COP1: variants seen among roughly 807,000 people sequenced by gnomAD.
COP1 encodes E3 ubiquitin-protein ligase COP1.
Under a neutral mutation model 101.3 loss-of-function variants are expected in COP1, and 24 were observed. The ratio of observed to expected loss-of-function variants is 0.24; its 90% CI spans 0.17 to 0.33. COP1 has a LOEUF of 0.33. Among genes scored for constraint, COP1 ranks in the 10% least tolerant of loss-of-function variants. The pLI, the probability that COP1 is intolerant of heterozygous loss-of-function variation, is 1.00. For synonymous variants in COP1, 347 were observed against 341.9 expected, an observed-to-expected ratio of 1.01 and a Z score of -0.17; for missense variants, 663 against 906.2, an observed-to-expected ratio of 0.73 and a Z score of 3.45.
chr1:176,157,330 A>G (rs942316331), intron 5 of COP1, among the ~76,000 whole-genome samples: 3 of 152,220 alleles, frequency 2.0e-5, no homozygotes, highest in African/African-American at 7.2e-5. Context: ...GCTGAGCTAC[A>G]ATGAAATCAC....
At chr1:175,972,570 T>C (rs1263788461) in intron 18 of COP1, among the ~76,000 whole-genome samples, 3 of 151,492 alleles carry the variant, frequency 2.0e-5, no homozygotes, top group African/African-American at 7.3e-5. Flanking sequence ...GTTCAAGCGA[T>C]TCTCCTGCCT....
chr1:176,137,265 T>C (rs945829931), intron 6 of COP1, among the ~76,000 whole-genome samples: 25 of 152,196 alleles, frequency 1.6e-4, no homozygotes, highest in African/African-American at 5.8e-4. Flanking sequence ...ACTTAATATA[T>C]TGAACCATTC....
chr1:176,197,346 C>T (rs1354602289), intron 1 of COP1, among the ~76,000 whole-genome samples: 1 of 152,090 alleles, frequency 6.6e-6, no homozygotes, highest in Non-Finnish European at 1.5e-5. Flanking sequence ...CCCAGAAGTT[C>T]GAGGATGCAG....
At chr1:176,083,140 ATAGT>A (rs750912427) in intron 10 of COP1, among the ~76,000 whole-genome samples, 1 of 152,224 alleles carries the variant, frequency 6.6e-6, no homozygotes, top group Non-Finnish European at 1.5e-5. Flanking sequence ...TCTGGATATA[ATAGT>A]TAATGATTCT....
intron 9 of COP1, among the ~76,000 whole-genome samples, chr1:176,101,207 C>G (rs566248652): frequency 6.6e-6 from 1 of 152,130 alleles, no homozygotes; most frequent in East Asian, 1.9e-4. Context: ...GGCACCCTAT[C>G]GTGGCTGGTG....
intron 8 of COP1, among the ~76,000 whole-genome samples, chr1:176,130,359 T>C (rs1000441641): frequency 7.9e-5 from 12 of 151,822 alleles, no homozygotes; most frequent in Middle Eastern, 6.8e-3. Context: ...CCTACCAATC[T>C]CTAATTTTCT....
At chr1:176,205,910 A>T (rs1255234828) in intron 1 of COP1, among the ~76,000 whole-genome samples, 1 of 152,232 alleles carries the variant, frequency 6.6e-6, no homozygotes, top group Non-Finnish European at 1.5e-5. Context: ...TTTTCAAGAC[A>T]CTTGGTGGAG....
Position 176,116,688 on chromosome 1 carries a change from A to C in COP1, c.969-7T>G. Reference sequence around the variant, plus strand: ...TGTGGAATCAATAATACTACTGCAAAATGAAGAGAAAAAAATGTGATTTCA... The same window carrying C: ...TGTGGAATCAATAATACTACTGCAACATGAAGAGAAAAAAATGTGATTTCA... On this transcript the variant is annotated splice_polypyrimidine_tract_variant and splice_region_variant and intron_variant, in intron 8 of 19. Coordinates refer to ENST00000367669, the MANE Select transcript of COP1 (RefSeq NM_022457.7). 1 of 1,595,618 alleles carries C rather than the reference A, an allele frequency of 6.3e-7. No homozygotes were observed. Among genetic ancestry groups the C allele is most frequent in the Non-Finnish European group, 8.6e-7 (1 of 1,167,582 alleles).
chr1:176,118,348 C>CTT (rs551554905), intron 8 of COP1, among the ~76,000 whole-genome samples: 1 of 148,396 alleles, frequency 6.7e-6, no homozygotes, highest in African/African-American at 2.5e-5. Context: ...ACACAGCAGT[C>CTT]TTTTTTTTTT....
chr1:176,020,616 G>A (rs1666599398), intron 15 of COP1, among the ~76,000 whole-genome samples: 1 of 152,210 alleles, frequency 6.6e-6, no homozygotes, highest in South Asian at 2.1e-4. Context: ...GGTGGAGGCT[G>A]CAGTGATCCA....
At chr1:176,113,948 T>TTG (rs1553269813) in intron 9 of COP1, among the ~76,000 whole-genome samples, 3 of 151,028 alleles carry the variant, frequency 2.0e-5, no homozygotes, top group East Asian at 1.9e-4. Flanking sequence ...GGGTAGGGTT[T>TTG]TTTTTTTTTT....
intron 15 of COP1, among the ~76,000 whole-genome samples, chr1:176,001,624 T>A (rs6688211): frequency 0.68 from 103,365 of 152,016 alleles, 36,688 homozygotes; most frequent in East Asian, 0.92. Context: ...AAAATCAGAA[T>A]AAAAATTCTT....
At chr1:176,070,840 A>C (rs1333383837) in intron 11 of COP1, among the ~76,000 whole-genome samples, 1 of 151,996 alleles carries the variant, frequency 6.6e-6, no homozygotes, top group Non-Finnish European at 1.5e-5. Flanking sequence ...TTTTGTAGAA[A>C]TGAGGTCTTG....
chr1:176,147,918 G>C (rs1691809913), intron 6 of COP1, among the ~76,000 whole-genome samples: 2 of 152,068 alleles, frequency 1.3e-5, no homozygotes, highest in Admixed American at 1.3e-4. Flanking sequence ...TTCTTTTTTT[G>C]GGACAGATTC....
At chr1:176,113,212 T>C (rs1252402006) in intron 9 of COP1, among the ~76,000 whole-genome samples, 1 of 152,208 alleles carries the variant, frequency 6.6e-6, no homozygotes, top group African/African-American at 2.4e-5. Context: ...CTAACATTTG[T>C]TACTTCTATC....
chr1:176,194,668 T>C (rs998104034), intron 1 of COP1, among the ~76,000 whole-genome samples: 1 of 151,486 alleles, frequency 6.6e-6, no homozygotes, highest in African/African-American at 2.4e-5. Context: ...CAGATTGTCA[T>C]ACTAAATAAA....
intron 18 of COP1, among the ~76,000 whole-genome samples, chr1:175,982,891 C>G (rs1052320846): frequency 6.6e-6 from 1 of 151,950 alleles, no homozygotes; most frequent in African/African-American, 2.4e-5. Context: ...TGGGAGGATG[C>G]CAAGATGTTG....
At chr1:175,975,111 C>T (rs1377158810) in intron 18 of COP1, among the ~76,000 whole-genome samples, 1 of 152,026 alleles carries the variant, frequency 6.6e-6, no homozygotes, top group Non-Finnish European at 1.5e-5. Context: ...CTATTCAGAG[C>T]CAACAGTTTC....
intron 6 of COP1, among the ~76,000 whole-genome samples, chr1:176,145,069 G>T (rs1358344371): frequency 1.3e-5 from 2 of 152,048 alleles, no homozygotes; most frequent in Admixed American, 1.3e-4. Flanking sequence ...ATAATGAAAA[G>T]AATGCAACCC....
Sources: allele counts gnomAD v4.1 joint callset (sites outside exome capture counted in the v4.1 genomes callset), GRCh38; gene constraint gnomAD v4.1.1; transcripts MANE v1.5; gene names NCBI Gene and HGNC (gene_info 2026-07-23, HGNC 2026-07-21).